Variants in ZNF638 observed in about 807,000 individuals in gnomAD.
ZNF638 encodes the protein zinc finger protein 638, also known as CTCL tumor antigen se33-1.
In ZNF638, 46 loss-of-function variants were observed where a neutral mutation model predicts 195.6. The ratio of observed to expected loss-of-function variants is 0.24; its 90% CI spans 0.19 to 0.30. ZNF638 has a LOEUF of 0.30. Ranked by LOEUF, ZNF638 falls within the 10% of genes least tolerant of loss-of-function variation. ZNF638 has a pLI of 1.00. For synonymous variants in ZNF638, 845 were observed against 772.0 expected, an observed-to-expected ratio of 1.09 and a Z score of -1.57; for missense variants, 2,440 against 2,325.3, an observed-to-expected ratio of 1.05 and a Z score of -1.01.
chr2:71,337,666 A>G (rs1292623355), intron 1 of ZNF638, among the ~76,000 whole-genome samples: 1 of 152,222 alleles, frequency 6.6e-6, no homozygotes. Flanking sequence ...TCGGCCTCCC[A>G]AAGTAGTAAG....
rs777722785 is a variant in ZNF638, at chr2:71,424,710, A to G, written c.4585A>G (p.Lys1529Glu). Residue 1529 changes from lysine (K) to glutamate (E), a missense_variant, in exon 23 of 28, where the codon AAA (lysine) becomes GAA (glutamate). Physicochemically the swap from Lys to Glu is moderately conservative, Grantham distance 56 (BLOSUM62 1). This residue lies in a region of ZNF638 where 1,883 missense variants were observed against 1,739.1 expected (regional missense o/e 1.08). Coordinates refer to ENST00000264447, the MANE Select transcript of ZNF638 (RefSeq NM_014497.5). ...KSTTGRSSKS[K>E]EEPLFPFNLD... ...CACTACTGGTAGAAGTTCCAAATCT[A>G]AAGAGGTAAAAAATAGATCACAGAC... 3.7e-6 allele frequency: 6 copies of G among 1,612,626 alleles called. No individual in the cohort carries two copies. The highest frequency in any genetic ancestry group is 1.1e-5 in the South Asian group (1 of 90,870).
intron 1 of ZNF638, among the ~76,000 whole-genome samples, chr2:71,335,271 A>G (rs1185452784): frequency 6.6e-6 from 1 of 152,080 alleles, no homozygotes; most frequent in Non-Finnish European, 1.5e-5. Flanking sequence ...AAACTCCTGG[A>G]CTCAAACCAT....
chr2:71,410,574 A>G (rs1025764795), intron 20 of ZNF638, among the ~76,000 whole-genome samples: 1 of 152,154 alleles, frequency 6.6e-6, no homozygotes, highest in Non-Finnish European at 1.5e-5. Context: ...TTAGAATACC[A>G]TGATGAACAT....
Position 71,365,546 on chromosome 2 carries a change from C to G in ZNF638, c.1835C>G (p.Thr612Ser). 1.2e-6 allele frequency: 2 copies of G among 1,614,136 alleles called. No individual in the cohort carries two copies. Among genetic ancestry groups the G allele is most frequent in the South Asian group, 1.1e-5 (1 of 91,088 alleles). The change falls in exon 6 of 28, where the codon ACT (threonine) becomes AGT (serine). Residue 612 changes from threonine (T) to serine (S), a missense_variant. Physicochemically the swap from Thr to Ser is moderately conservative, Grantham distance 58. This residue lies in a region of ZNF638 where 1,883 missense variants were observed against 1,739.1 expected (regional missense o/e 1.08). Transcript: ENST00000264447. ...CATTCACCAGCACAAAAGCCTAAAACTAGCAGTGGAACAAAACCATCAGTT... is the reference window on the plus strand; with the variant it reads ...CATTCACCAGCACAAAAGCCTAAAAGTAGCAGTGGAACAAAACCATCAGTT... The part of the protein sequence containing the change: ...KGHSPAQKPK[T>S]SSGTKPSVKP...
chr2:71,340,842 ACTGGAATT>A (rs1356133566), intron 1 of ZNF638, among the ~76,000 whole-genome samples: 1 of 152,186 alleles, frequency 6.6e-6, no homozygotes, highest in East Asian at 1.9e-4. Flanking sequence ...TAATGTGTGA[ACTGGAATT>A]CCTTTCCTCT....
chr2:71,411,520 A>C, intron 20 of ZNF638, among the ~76,000 whole-genome samples: 1 of 112,780 alleles, frequency 8.9e-6, no homozygotes, highest in African/African-American at 3.3e-5. Context: ...ACATGTGCAC[A>C]TTGTGCAGGT....
intron 13 of ZNF638, among the ~76,000 whole-genome samples, chr2:71,399,881 T>C (rs547502748): frequency 6.6e-6 from 1 of 152,274 alleles, no homozygotes; most frequent in East Asian, 1.9e-4. Flanking sequence ...TTTCCCTCTA[T>C]GGGTCCATTT....
chr2:71,351,285 G>A (rs753488463), intron 2 of ZNF638, among the ~76,000 whole-genome samples: 2 of 152,006 alleles, frequency 1.3e-5, no homozygotes, highest in African/African-American at 2.4e-5. Flanking sequence ...CTAGGTTTTC[G>A]TCAACATGAA....
intron 1 of ZNF638, among the ~76,000 whole-genome samples, chr2:71,337,942 G>C (rs1035140124): frequency 3.9e-5 from 6 of 152,054 alleles, no homozygotes; most frequent in African/African-American, 1.2e-4. Context: ...CTCTTTAATA[G>C]AGCACTTCTC....
intron 6 of ZNF638, 117 bp from the exon 7 acceptor site, chr2:71,368,265 T>C (rs1249104327): frequency 5.5e-6 from 5 of 904,554 alleles, no homozygotes; most frequent in South Asian, 5.8e-5. Flanking sequence ...GTAAAAAATA[T>C]GGAAAAGACC....
chr2:71,433,078 C>A, intron 26 of ZNF638, 87 bp from the exon 27 acceptor site: 2 of 1,090,394 alleles, frequency 1.8e-6, no homozygotes, highest in Non-Finnish European at 1.4e-6. Context: ...CAGAGTGAGA[C>A]TCCGTCTCAA....
rs1389527070 is a variant in ZNF638, at chr2:71,402,001, A to G, written c.2743A>G (p.Lys915Glu). The change falls in exon 16 of 28, where the codon AAA (lysine) becomes GAA (glutamate). Residue 915 changes from lysine (K) to glutamate (E), a missense_variant. Lys to Glu is a moderately conservative substitution (Grantham distance 56). Coordinates refer to ENST00000264447, the MANE Select transcript of ZNF638 (RefSeq NM_014497.5). Reference sequence around the variant, plus strand: ...GATGCTTGTCTCTAATTTGCCTAATAAAGGATATTCTGTAGAAGAAGTTTA... The same window carrying G: ...GATGCTTGTCTCTAATTTGCCTAATGAAGGATATTCTGTAGAAGAAGTTTA... ...CVMLVSNLPN[K>E]GYSVEEVYDL... is the part of the protein sequence containing the mutation. 5.0e-6 allele frequency: 8 copies of G among 1,603,942 alleles called. No homozygotes were observed. Among genetic ancestry groups the G allele is most frequent in the Admixed American group, 1.7e-5 (1 of 58,560 alleles).
intron 3 of ZNF638, among the ~76,000 whole-genome samples, chr2:71,356,905 A>T (rs2079034153): frequency 6.6e-6 from 1 of 152,150 alleles, no homozygotes; most frequent in African/African-American, 2.4e-5. Context: ...GCTCAAATAA[A>T]AATTGGTGTC....
At chr2:71,395,130 A>G (rs2079865769) in intron 10 of ZNF638, 1 of 655,706 alleles carries the variant, frequency 1.5e-6, no homozygotes. Flanking sequence ...TGTCCAACAA[A>G]CAGTTATATG....
chr2:71,340,517 C>CCAAAGTGAAT (rs1283269335), intron 1 of ZNF638, among the ~76,000 whole-genome samples: 1 of 152,086 alleles, frequency 6.6e-6, no homozygotes, highest in East Asian at 1.9e-4. Context: ...TTCTTAAGTA[C>CCAAAGTGAAT]CAAAGTGAAT....
At chr2:71,332,974 C>T (rs1215935319) in intron 1 of ZNF638, 1 of 152,024 alleles carries the variant, frequency 6.6e-6, no homozygotes, top group Non-Finnish European at 1.5e-5. Flanking sequence ...TGCTTTTTCC[C>T]CTCATTTGTT....
chr2:71,427,441 CTGTTT>C, intron 24 of ZNF638, 27 bp downstream of exon 24: 1 of 1,466,184 alleles, frequency 6.8e-7, no homozygotes, highest in Non-Finnish European at 9.1e-7. Flanking sequence ...GGTAGTCTTT[CTGTTT>C]TATGAGGGGA....
At chr2:71,347,144 GGTTT>G (rs2078864213) in intron 1 of ZNF638, among the ~76,000 whole-genome samples, 1 of 152,180 alleles carries the variant, frequency 6.6e-6, no homozygotes, top group Admixed American at 6.5e-5. Flanking sequence ...TCCAGGGCAA[GGTTT>G]GTTTTTGATT....
chr2:71,407,921 C>T (rs1411070731), intron 19 of ZNF638: 1 of 438,136 alleles, frequency 2.3e-6, no homozygotes, highest in South Asian at 4.7e-5. Context: ...TCCACTCATC[C>T]ATTGATGGAC....
Sources: gnomAD v4.1 joint callset for allele counts (sites outside exome capture counted in the v4.1 genomes callset) on GRCh38, gnomAD v4.1.1 for gene constraint, gnomAD v4.1.1 regional missense constraint, MANE v1.5 for transcripts, NCBI Gene and HGNC (gene_info 2026-07-23, HGNC 2026-07-21) for gene names.